The following FGF14 variants were observed in gnomAD, a reference collection of about 807,000 sequenced individuals.
FGF14 encodes fibroblast growth factor 14, also known as fibroblast growth factor homologous factor 4.
In FGF14, 5 loss-of-function variants were observed where a neutral mutation model predicts 25.5. The observed-to-expected ratio is 0.20, with a 90% CI of 0.10 to 0.41. The LOEUF (loss-of-function observed/expected upper bound fraction) is 0.41, where lower values mean the gene tolerates loss of function less well. FGF14 is among the 10% of genes least tolerant of loss of function. The pLI is 1.00. For missense variants in FGF14, 222 were observed against 320.1 expected (o/e 0.69, Z 2.34); for synonymous variants, 138 against 118.3 (o/e 1.17, Z -1.08).
chr13:101,728,142 A>T (rs2035566251), intron 3 of FGF14, among the ~76,000 whole-genome samples: 1 of 152,168 alleles, frequency 6.6e-6, no homozygotes, highest in South Asian at 2.1e-4. Context: ...ATGCTGTCTC[A>T]TGCAGGAGAC....
At chr13:101,887,347 C>T (rs4772424) in intron 1 of FGF14, among the ~76,000 whole-genome samples, 46,453 of 142,008 alleles carry the variant, frequency 0.33, 7,553 homozygotes, top group Admixed American at 0.43. Flanking sequence ...TATATATATA[C>T]ACACACACAC....
At chr13:101,908,706 C>G (rs1346153304) in intron 1 of FGF14, among the ~76,000 whole-genome samples, 1 of 152,156 alleles carries the variant, frequency 6.6e-6, no homozygotes, top group Non-Finnish European at 1.5e-5. Flanking sequence ...CATCAAGCTA[C>G]CAATGACTTT....
chr13:101,742,498 G>A (rs1371783378), intron 3 of FGF14, among the ~76,000 whole-genome samples: 1 of 152,032 alleles, frequency 6.6e-6, no homozygotes, highest in East Asian at 1.9e-4. Context: ...AACAGACCTG[G>A]ATTTGCTTCC....
At chr13:101,897,255 T>C (rs2030833063) in intron 1 of FGF14, among the ~76,000 whole-genome samples, 1 of 152,110 alleles carries the variant, frequency 6.6e-6, no homozygotes, top group Non-Finnish European at 1.5e-5. Context: ...GTTTTACTTG[T>C]GAGTTAAGCA....
intron 1 of FGF14, among the ~76,000 whole-genome samples, chr13:102,307,807 G>A (rs138481834): frequency 3.9e-3 from 591 of 152,128 alleles, no homozygotes; most frequent in Non-Finnish European, 5.9e-3. Flanking sequence ...AAGGTGCCAC[G>A]GCCACTCAAC....
chr13:101,760,873 G>A (rs372614980), intron 3 of FGF14, among the ~76,000 whole-genome samples: 20 of 152,174 alleles, frequency 1.3e-4, no homozygotes, highest in Admixed American at 4.6e-4. Context: ...GGTAGACAAT[G>A]AGCATTTGTC....
intron 1 of FGF14, among the ~76,000 whole-genome samples, chr13:102,175,891 G>A (rs1432447641): frequency 6.6e-6 from 1 of 151,926 alleles, no homozygotes; most frequent in East Asian, 1.9e-4. Flanking sequence ...CAGTCAGAAT[G>A]GCTATTATTA....
At chr13:101,889,990 T>C (rs1395269379) in intron 1 of FGF14, among the ~76,000 whole-genome samples, 1 of 152,210 alleles carries the variant, frequency 6.6e-6, no homozygotes, top group Non-Finnish European at 1.5e-5. Flanking sequence ...TTCTAATCTC[T>C]CCTGTCAAGA....
At chr13:101,843,876 C>T (rs1361999691) in intron 3 of FGF14, among the ~76,000 whole-genome samples, 2 of 151,970 alleles carry the variant, frequency 1.3e-5, no homozygotes, top group Non-Finnish European at 2.9e-5. Flanking sequence ...ACAGTAAGAA[C>T]ATGAGACCTA....
At chr13:102,373,937 T>C (rs1452552589) in intron 1 of FGF14, among the ~76,000 whole-genome samples, 1 of 152,140 alleles carries the variant, frequency 6.6e-6, no homozygotes, top group Non-Finnish European at 1.5e-5. Flanking sequence ...AGGTGGGACC[T>C]GAGCACTGAG....
Position 102,186,743 on chromosome 13 carries a change from A to G in FGF14, c.208+214728T>C, listed in dbSNP as rs112096577. ...GGAACATAAGAGCGATGCCTGAGTT[A>G]CATGTTTAGTGCACACAGGAAACAC... is the stretch of plus-strand genomic sequence containing the variant. On this transcript the variant is annotated intron_variant, in intron 1 of 4. Coordinates refer to the FGF14 transcript ENST00000376131. Among the ~76,000 whole-genome samples the G allele has an allele frequency of 5.7e-3, 862 of 152,304 alleles. 5 individuals are homozygous for G. Among genetic ancestry groups the G allele is most frequent in the African/African-American group, 0.019 (786 of 41,568 alleles).
In FGF14 at chr13:102,277,443, C is replaced by G. The variant is rs1011793932; in HGVS notation, c.208+124028G>C. Among the ~76,000 whole-genome samples the G allele has an allele frequency of 5.9e-5, 9 of 152,340 alleles. No homozygotes were observed. In the South Asian group the frequency reaches 1.4e-3, roughly 25 times the overall value. On this transcript the variant is annotated intron_variant, in intron 1 of 4. Transcript: ENST00000376131. ...GGCAAGAGCAGCATGCTGGCCCCAC[C>G]GCGTGCCCACTGGTGTTATGTAGAT...
At chr13:102,401,813 T>C (rs748300605), upstream of FGF14, 13 of 776,860 alleles carry the variant, frequency 1.7e-5, no homozygotes, top group Non-Finnish European at 2.8e-5. Flanking sequence ...CACCGGATTA[T>C]TACCAAAGGG....
chr13:102,066,710 GTCTTTC>G (rs2042918240), intron 1 of FGF14, among the ~76,000 whole-genome samples: 1 of 152,132 alleles, frequency 6.6e-6, no homozygotes, highest in Admixed American at 6.5e-5. Context: ...AGTTCTGACG[GTCTTTC>G]TCTAACTAAG....
intron 1 of FGF14, among the ~76,000 whole-genome samples, chr13:102,195,230 T>C (rs607540): frequency 0.84 from 127,423 of 152,122 alleles, 53,952 homozygotes; most frequent in African/African-American, 0.95. Flanking sequence ...AGTATGAATA[T>C]ACCCTTGGTT....
intron 1 of FGF14, among the ~76,000 whole-genome samples, chr13:102,377,264 C>T (rs2058062748): frequency 6.6e-6 from 1 of 152,038 alleles, no homozygotes; most frequent in Non-Finnish European, 1.5e-5. Context: ...ACTTAGTTTG[C>T]TTTAATATGT....
intron 1 of FGF14, among the ~76,000 whole-genome samples, chr13:102,049,770 C>A (rs909838031): frequency 6.6e-6 from 1 of 152,074 alleles, no homozygotes; most frequent in Non-Finnish European, 1.5e-5. Context: ...AACACACAAA[C>A]ACACAATGTC....
rs535297001 is a variant in FGF14, at chr13:101,942,619, C to T, written c.209-67323G>A. ...CAAACTGAGCTAAAAAGCAGTGGTC[C>T]GCATCAGTTCTGGCTTCCTAGGAAC... On this transcript the variant is annotated intron_variant, in intron 1 of 4. Transcript: ENST00000376131. Among the ~76,000 whole-genome samples the T allele has an allele frequency of 2.4e-4, 37 of 152,226 alleles. No homozygotes were observed. The South Asian group carries it at 6.4e-3, about 26-fold the overall frequency.
intron 1 of FGF14, among the ~76,000 whole-genome samples, chr13:102,071,685 G>T (rs1466769803): frequency 6.6e-6 from 1 of 152,140 alleles, no homozygotes; most frequent in African/African-American, 2.4e-5. Flanking sequence ...ATTGATGGTA[G>T]ACAACTAGAT....
Sources: allele counts gnomAD v4.1 joint callset (sites outside exome capture counted in the v4.1 genomes callset), GRCh38; gene constraint gnomAD v4.1.1; transcripts MANE v1.5; gene names NCBI Gene and HGNC (gene_info 2026-07-23, HGNC 2026-07-21).